The following DENND5B variants were observed in gnomAD, a reference collection of about 807,000 sequenced individuals.
DENND5B encodes DENN domain-containing protein 5B.
In DENND5B, 34 loss-of-function variants were observed where a neutral mutation model predicts 140.6. The observed-to-expected ratio is 0.24, with a 90% confidence interval of 0.18 to 0.32. DENND5B has a LOEUF of 0.32. Ranked by LOEUF, DENND5B falls within the 10% of genes least tolerant of loss-of-function variation. The pLI is 1.00. For missense variants in DENND5B, 1,142 were observed against 1,560.2 expected, an observed-to-expected ratio of 0.73 and a Z score of 4.52; for synonymous variants, 551 against 562.1, an observed-to-expected ratio of 0.98 and a Z score of 0.28.
At chr12:31,567,959 C>T (rs1285374883) in intron 1 of DENND5B, among the ~76,000 whole-genome samples, 1 of 152,172 alleles carries the variant, frequency 6.6e-6, no homozygotes, top group Non-Finnish European at 1.5e-5. Context: ...CCCACCTCGG[C>T]CTTCCAAAGT....
At chr12:31,550,207 C>A (rs1349078790) in intron 1 of DENND5B, among the ~76,000 whole-genome samples, 1 of 104,804 alleles carries the variant, frequency 9.5e-6, no homozygotes, top group Non-Finnish European at 1.9e-5. Context: ...AATGCTATCC[C>A]TCCCCCCTCC....
chr12:31,448,588 CTTCT>C (rs996638159), intron 5 of DENND5B, among the ~76,000 whole-genome samples: 13 of 152,188 alleles, frequency 8.5e-5, no homozygotes, highest in African/African-American at 1.2e-4. Context: ...TTCTTTTGTT[CTTCT>C]TTAAGTGAAT....
intron 2 of DENND5B, among the ~76,000 whole-genome samples, chr12:31,490,231 A>C (rs1181923768): frequency 6.6e-6 from 1 of 150,482 alleles, no homozygotes; most frequent in African/African-American, 2.4e-5. Flanking sequence ...AATGTTAAGG[A>C]AACGGGCGAG....
intron 3 of DENND5B, among the ~76,000 whole-genome samples, chr12:31,474,431 A>G (rs765073065): frequency 6.6e-5 from 10 of 152,222 alleles, no homozygotes; most frequent in Non-Finnish European, 1.3e-4. Flanking sequence ...GGGGTCCTAG[A>G]AAAGAGCCTT....
chr12:31,462,702 T>TGATCCCA (rs1248403570), intron 3 of DENND5B, among the ~76,000 whole-genome samples: 2 of 152,190 alleles, frequency 1.3e-5, no homozygotes, highest in African/African-American at 4.8e-5. Flanking sequence ...CTTATGCCTG[T>TGATCCCA]GATCCCAGTA....
intron 1 of DENND5B, among the ~76,000 whole-genome samples, chr12:31,584,998 A>G (rs1465132881): frequency 6.6e-6 from 1 of 152,182 alleles, no homozygotes; most frequent in Non-Finnish European, 1.5e-5. Flanking sequence ...GAGAGGAACG[A>G]AGAGGGTAGG....
At chr12:31,535,057 G>C (rs576431409) in intron 1 of DENND5B, 4 of 172,184 alleles carry the variant, frequency 2.3e-5, no homozygotes, top group African/African-American at 3.7e-5. Context: ...CTGGGTGACA[G>C]AGCAAGACTC....
chr12:31,434,110 G>A (rs144360482), intron 7 of DENND5B, among the ~76,000 whole-genome samples: 172 of 152,256 alleles, frequency 1.1e-3, no homozygotes, highest in African/African-American at 3.6e-3. Context: ...CTGTGTTTCT[G>A]AAGTGATAGC....
chr12:31,540,868 A>G (rs931203563), intron 1 of DENND5B: 17 of 332,758 alleles, frequency 5.1e-5, no homozygotes, highest in South Asian at 4.3e-4. Flanking sequence ...GACCAGTGAA[A>G]CAGTCTAATA....
chr12:31,395,574 C>T (rs979822402), intron 17 of DENND5B, among the ~76,000 whole-genome samples: 2 of 152,090 alleles, frequency 1.3e-5, no homozygotes, highest in African/African-American at 4.8e-5. Context: ...GCATGGCCAA[C>T]AAGAGCGAAA....
chr12:31,430,602 AG>A (rs1304740044), intron 8 of DENND5B, among the ~76,000 whole-genome samples: 6 of 151,622 alleles, frequency 4.0e-5, no homozygotes, highest in Admixed American at 1.3e-4. Flanking sequence ...TGGAGGTTGC[AG>A]TGAGCCAAGA....
intron 2 of DENND5B, among the ~76,000 whole-genome samples, chr12:31,482,734 G>A (rs945045630): frequency 2.2e-4 from 34 of 152,038 alleles, no homozygotes; most frequent in African/African-American, 7.7e-4. Context: ...TGATCTTTAC[G>A]CTTACCACTC....
intron 17 of DENND5B, among the ~76,000 whole-genome samples, chr12:31,395,009 T>C (rs1941358465): frequency 6.6e-6 from 1 of 152,214 alleles, no homozygotes; most frequent in South Asian, 2.1e-4. Flanking sequence ...AGATCTGATA[T>C]ATAAACAGAT....
rs946205706 is a variant in DENND5B at position 31,430,081 on chromosome 12, G to A, written c.2106+3074C>T. 1.5e-4 allele frequency among the ~76,000 whole-genome samples: 23 copies of A among 151,800 alleles called. 1 individual carries two copies. The highest frequency in any genetic ancestry group is 7.9e-4 in the Admixed American group (12 of 15,246). ...TCTGCTGCCCAGGCTGGAGTGCAGC[G>A]GCATGATCTCAGCTCACTGCAGCCT... On this transcript the variant is annotated intron_variant, in intron 8 of 20. Transcript: ENST00000389082.
chr12:31,432,881 T>A (rs555084448), intron 8 of DENND5B: 1 of 346,152 alleles, frequency 2.9e-6, no homozygotes, highest in South Asian at 4.4e-5. Flanking sequence ...GGAGACATAG[T>A]AACTAAAAAT....
At chr12:31,428,828 T>A (rs538915958) in intron 8 of DENND5B, among the ~76,000 whole-genome samples, 2 of 152,318 alleles carry the variant, frequency 1.3e-5, no homozygotes, top group South Asian at 4.1e-4. Context: ...GCCTCCTGGT[T>A]TCACACCATT....
Position 31,398,285 on chromosome 12 carries a change from G to A in DENND5B, c.3146C>T (p.Thr1049Ile). 6 of 1,564,866 alleles carry A rather than the reference G, an allele frequency of 3.8e-6. No individual in the cohort carries two copies. Among genetic ancestry groups the A allele is most frequent in the Non-Finnish European group, 4.3e-6 (5 of 1,153,956 alleles). Residue 1049 changes from threonine to isoleucine, a missense_variant, in exon 17 of 21, where the codon ACA becomes ATA. By Grantham distance (89) the Thr-to-Ile change is moderately conservative. This residue lies in a region of DENND5B where 268 missense variants were observed against 349.2 expected (regional missense o/e 0.77). Coordinates refer to ENST00000389082, the MANE Select transcript of DENND5B (RefSeq NM_144973.4). ...TACTAGATCTTCATCTGATGCTGAT[G>A]TCATCAACTCTCCAATAAGAATTCT... Reference protein sequence around the residue: ...LERILIGELMTSASDEDLVKQ... With the variant: ...LERILIGELMISASDEDLVKQ...
At chr12:31,421,574 G>C (rs956541654) in intron 11 of DENND5B, among the ~76,000 whole-genome samples, 9 of 151,972 alleles carry the variant, frequency 5.9e-5, no homozygotes, top group African/African-American at 1.9e-4. Context: ...TTCTGAGAAG[G>C]AGTCTTGCTC....
intron 1 of DENND5B, among the ~76,000 whole-genome samples, chr12:31,505,306 T>C (rs1374108783): frequency 1.3e-5 from 2 of 151,688 alleles, no homozygotes; most frequent in African/African-American, 4.8e-5. Context: ...CGTTGAGATC[T>C]TGGCTCACTG....
Sources: allele counts gnomAD v4.1 joint callset (sites outside exome capture counted in the v4.1 genomes callset), GRCh38; gene constraint gnomAD v4.1.1; regional missense constraint gnomAD v4.1.1; transcripts MANE v1.5; gene names NCBI Gene and HGNC (gene_info 2026-07-23, HGNC 2026-07-21).